HEATR1: variants seen among roughly 807,000 people sequenced by gnomAD.
HEATR1 encodes HEAT repeat-containing protein 1.
A neutral mutation model predicts 248.2 loss-of-function variants in HEATR1; 77 were observed. That is an observed-to-expected ratio of 0.31 (90% confidence interval 0.26 to 0.37). The LOEUF (loss-of-function observed/expected upper bound fraction) is 0.37. Ranked by LOEUF, HEATR1 falls within the 10% of genes least tolerant of loss-of-function variation. The pLI, the probability that HEATR1 is intolerant of heterozygous loss-of-function variation, is 1.00. For synonymous variants in HEATR1, 897 were observed against 923.1 expected (o/e 0.97, Z 0.51); for missense variants, 2,420 against 2,504.9 (o/e 0.97, Z 0.72).
At position 236,603,161 on chromosome 1, in the gene HEATR1, T is replaced by C; in HGVS notation, c.358A>G (p.Arg120Gly). The C allele has an allele frequency of 6.2e-7, 1 of 1,608,650 alleles. No homozygotes were observed. Among genetic ancestry groups the C allele is most frequent in the Non-Finnish European group, 8.5e-7 (1 of 1,175,106 alleles). The part of the protein sequence containing the change: ...AQKCLEWLIH[R>G]FHIHLYNQDS... ...TATTTCTGTAATTCTATTAGCTACC[T>C]GTGAATCAACCACTCCAGACACTTC... The change falls in exon 3 of 45, where the codon AGG becomes GGG. Residue 120 changes from arginine to glycine, a missense_variant and splice_region_variant. By Grantham distance (125) the Arg-to-Gly change is moderately radical (BLOSUM62 -2). Coordinates refer to ENST00000366582, the MANE Select transcript of HEATR1 (RefSeq NM_018072.6).
At chr1:236,558,664 G>A (rs961840883) in intron 35 of HEATR1, 135 bp from the exon 36 acceptor site, 11 of 859,338 alleles carry the variant, frequency 1.3e-5, no homozygotes, top group Admixed American at 2.8e-5. Flanking sequence ...CATGCTAAGC[G>A]ATGTGCATGT....
At chr1:236,576,561 A>G (rs1277144842) in intron 21 of HEATR1, among the ~76,000 whole-genome samples, 184 bp from the exon 22 acceptor site, 1 of 152,238 alleles carries the variant, frequency 6.6e-6, no homozygotes, top group Non-Finnish European at 1.5e-5. Flanking sequence ...AAAGCTACAC[A>G]CTAAACCTTT....
In HEATR1 at chr1:236,590,961, G is replaced by T. The variant is rs755977471; in HGVS notation, c.1423-7C>A. 2.2e-6 allele frequency: 3 copies of T among 1,340,276 alleles called. No homozygotes were observed. The highest frequency in any genetic ancestry group is 2.5e-5 in the East Asian group (1 of 39,826). The allele number at this position is 1,340,276 out of a possible 1,614,324, so 83.0% of individuals were successfully genotyped here. A position where few individuals can be genotyped will look rare whatever the true frequency, so the allele number is the denominator to read the frequency against. ...TATCAGAATCTGCTAAAAACTACAG[G>T]GTTCAACATAGTTATCAAATGATTT... On this transcript the variant is annotated splice_region_variant and splice_polypyrimidine_tract_variant and intron_variant, in intron 11 of 44. Transcript: ENST00000366582.
Position 236,592,030 on chromosome 1 carries a change from T to G in HEATR1, c.1385A>C (p.Gln462Pro). The G allele has an allele frequency of 6.2e-7, 1 of 1,607,228 alleles. No individual in the cohort carries two copies. The highest frequency in any genetic ancestry group is 8.5e-7 in the Non-Finnish European group (1 of 1,174,790). ...ADLKKQELFH[Q>P]FVSLSTSGGK... ...TCCACTTGTAGAAAGAGAAACAAAC[T>G]GATGGAAAAGCTCTTGTTTTTTCAG... Residue 462 changes from glutamine (Q) to proline (P), a missense_variant, in exon 11 of 45, where the codon CAG (glutamine) becomes CCG (proline). Coordinates refer to ENST00000366582, the MANE Select transcript of HEATR1 (RefSeq NM_018072.6).
In HEATR1 at chr1:236,595,567, C is replaced by T. The variant is rs1264851351; in HGVS notation, c.1063G>A (p.Val355Ile). ...PLLHYMLPHLVVSIIHHVTGE... is the reference protein window; with the variant it reads ...PLLHYMLPHLIVSIIHHVTGE... ...GTAACATGATGAATGATGGAGACGA[C>T]CAGATGGGGAAGCATGTAATGCAGA... Residue 355 changes from valine to isoleucine, a missense_variant, in exon 8 of 45, where the codon GTC becomes ATC. Val to Ile is a conservative substitution (Grantham distance 29, BLOSUM62 3). Coordinates refer to ENST00000366582, the MANE Select transcript of HEATR1 (RefSeq NM_018072.6). 2 of 1,612,208 alleles carry T rather than the reference C, an allele frequency of 1.2e-6. No individual in the cohort carries two copies. Among genetic ancestry groups the T allele is most frequent in the Non-Finnish European group, 1.7e-6 (2 of 1,178,834 alleles).
chr1:236,576,828 C>A lies in HEATR1; in HGVS notation c.2877G>T (p.Leu959Phe). ...AAGTGATCTCCTCTGCTTTAGAAAT[C>A]AAATGATCTATTATCAGATAAAACG... is the stretch of plus-strand genomic sequence containing the variant. Reference protein sequence around the residue: ...ASPFYLIIDHLISKAEEITSD... With the variant: ...ASPFYLIIDHFISKAEEITSD... The change falls in exon 21 of 45, where the codon TTG becomes TTT. Residue 959 changes from leucine to phenylalanine, a missense_variant. Physicochemically the swap from Leu to Phe is conservative, Grantham distance 22. Transcript: ENST00000366582. 1 of 1,613,928 alleles carries A rather than the reference C, an allele frequency of 6.2e-7. No homozygotes were observed. Among genetic ancestry groups the A allele is most frequent in the Non-Finnish European group, 8.5e-7 (1 of 1,179,934 alleles).
At position 236,596,907 on chromosome 1, in the gene HEATR1, C is replaced by G; in HGVS notation, c.673G>C (p.Val225Leu). 1 of 1,614,138 alleles carries G rather than the reference C, an allele frequency of 6.2e-7. No homozygotes were observed. Among genetic ancestry groups the G allele is most frequent in the Admixed American group, 1.7e-5 (1 of 60,024 alleles). ...TCCTCTGCAGCTACCAGCGCCGACA[C>G]TATGGTAGAAGCATAGAAAGCCAAG... is the stretch of plus-strand genomic sequence containing the variant. ...VLLAFYASTIVSALVAAEDVS... is the reference protein window; with the variant it reads ...VLLAFYASTILSALVAAEDVS... Residue 225 changes from valine (V) to leucine (L), a missense_variant, in exon 6 of 45, where the codon GTG (valine) becomes CTG (leucine). Transcript: ENST00000366582.
intron 34 of HEATR1, among the ~76,000 whole-genome samples, 173 bp from the exon 35 acceptor site, chr1:236,559,308 A>G (rs777816152): frequency 5.3e-5 from 8 of 152,196 alleles, no homozygotes; most frequent in Admixed American, 2.0e-4. Flanking sequence ...CCAACCACAC[A>G]TTATCGAACA....
At position 236,550,984 on chromosome 1, in the gene HEATR1, C is replaced by T. The variant is rs200192734; in HGVS notation, c.6353G>A (p.Cys2118Tyr). 6.6e-6 allele frequency: 8 copies of T among 1,213,776 alleles called. No individual in the cohort carries two copies. The highest frequency in any genetic ancestry group is 1.7e-5 in the African/African-American group (1 of 59,936). 75.2% of individuals were successfully genotyped at this position (1,213,776 alleles called of 1,614,324 possible). Residue 2118 changes from cysteine (C) to tyrosine (Y), a missense_variant, in exon 45 of 45, where the codon TGT becomes TAT. By Grantham distance (194) the Cys-to-Tyr change is radical. Transcript: ENST00000366582. Reference sequence around the variant, plus strand: ...TTGGCACTGATGTTCTACTTCTTCACATTCATCTAAAAAAAAAAAAAAAAA... The same window carrying T: ...TTGGCACTGATGTTCTACTTCTTCATATTCATCTAAAAAAAAAAAAAAAAA... Reference protein sequence around the residue: ...PFLAELMEDECEEVEHQCQKT... With the variant: ...PFLAELMEDEYEEVEHQCQKT...
At chr1:236,592,885 G>C (rs1008901629) in intron 9 of HEATR1, among the ~76,000 whole-genome samples, 1 of 152,188 alleles carries the variant, frequency 6.6e-6, no homozygotes, top group Non-Finnish European at 1.5e-5. Flanking sequence ...AGACCTGTCT[G>C]AACAACATAG....
intron 4 of HEATR1, among the ~76,000 whole-genome samples, chr1:236,598,834 T>C (rs550868060): frequency 2.5e-4 from 38 of 152,304 alleles, no homozygotes; most frequent in Non-Finnish European, 3.7e-4. Context: ...GCAGTCAAGT[T>C]CCTGCTAACA....
intron 6 of HEATR1, among the ~76,000 whole-genome samples, 170 bp from the exon 7 acceptor site, chr1:236,596,214 TAC>T (rs1664173931): frequency 6.6e-6 from 1 of 152,192 alleles, no homozygotes; most frequent in Non-Finnish European, 1.5e-5. Flanking sequence ...TCAGAGTGGA[TAC>T]AGAGATGAGA....
rs200192326 is a variant in HEATR1 at position 236,583,027 on chromosome 1, T to G, written c.2411A>C (p.Lys804Thr). 2.5e-6 allele frequency: 4 copies of G among 1,613,846 alleles called. No homozygotes were observed. The highest frequency in any genetic ancestry group is 2.7e-5 in the African/African-American group (2 of 74,868). ...TTGTATCTTACCTTTAGGAAAAGAT[T>G]TAGGAGCTTTCAGTGCATAAATAAA... The part of the protein sequence containing the change: ...KKFIYALKAP[K>T]SFPKGDIWWN... The change falls in exon 18 of 45, where the codon AAA (lysine) becomes ACA (threonine). Residue 804 changes from lysine to threonine, a missense_variant. Physicochemically the swap from Lys to Thr is moderately conservative, Grantham distance 78. Transcript: ENST00000366582.
chr1:236,555,414 T>C lies in HEATR1; in HGVS notation c.5805A>G (p.Thr1935=), dbSNP rs867872603. 1.2e-6 allele frequency: 2 copies of C among 1,614,214 alleles called. No individual in the cohort carries two copies. Among genetic ancestry groups the C allele is most frequent in the Middle Eastern group, 1.6e-4 (1 of 6,062 alleles). Residue 1935 remains threonine, a synonymous_variant, in exon 41 of 45, where the codon ACA becomes ACG. Coordinates refer to ENST00000366582, the MANE Select transcript of HEATR1 (RefSeq NM_018072.6). ...CAATGCAATCTGCCAAGTTGTAAAA[T>C]GTCAACAACCTGTCCTTTGGGGCAT... is the stretch of plus-strand genomic sequence containing the variant. The part of the protein sequence containing the change: ...TEDAPKDRLL[T]FYNLADCIAE...
At chr1:236,602,334 C>T (rs1191131582) in intron 3 of HEATR1, among the ~76,000 whole-genome samples, 1 of 152,126 alleles carries the variant, frequency 6.6e-6, no homozygotes, top group Non-Finnish European at 1.5e-5. Flanking sequence ...GAAACTTAAT[C>T]CCTCTAAGCC....
chr1:236,566,968 C>G (rs1484373866), intron 29 of HEATR1, 92 bp from the exon 30 acceptor site: 1 of 789,770 alleles, frequency 1.3e-6, no homozygotes, highest in East Asian at 2.5e-5. Context: ...TAGATGGGCC[C>G]CAAGAAATTG....
At chr1:236,554,348 C>T (rs556675901) in intron 42 of HEATR1, among the ~76,000 whole-genome samples, 33 of 152,288 alleles carry the variant, frequency 2.2e-4, no homozygotes, top group Middle Eastern at 3.4e-3. Flanking sequence ...GCCGAGATTG[C>T]ACCACTGCAC....
rs1473500621 is a variant in HEATR1, at chr1:236,582,882, C to T, written c.2426-10G>A. ...TTCCACCATATATCACCTACAAGGA[C>T]ATGGAAAGAGAAATGATGCTAGATC... On this transcript the variant is annotated splice_polypyrimidine_tract_variant and intron_variant, in intron 18 of 44. Transcript: ENST00000366582. 2 of 1,613,374 alleles carry T rather than the reference C, an allele frequency of 1.2e-6. No homozygotes were observed. The highest frequency in any genetic ancestry group is 1.7e-6 in the Non-Finnish European group (2 of 1,179,472).
At chr1:236,566,969 C>A in intron 29 of HEATR1, 93 bp from the exon 30 acceptor site, 1 of 772,166 alleles carries the variant, frequency 1.3e-6, no homozygotes. Context: ...AGATGGGCCC[C>A]AAGAAATTGC....
Sources: gnomAD v4.1 joint callset for allele counts (sites outside exome capture counted in the v4.1 genomes callset) on GRCh38, gnomAD v4.1.1 for gene constraint, MANE v1.5 for transcripts, NCBI Gene and HGNC (gene_info 2026-07-23, HGNC 2026-07-21) for gene names.